Variants in NPEPPS observed in about 807,000 individuals in gnomAD.
The protein encoded by NPEPPS is aminopeptidase puromycin sensitive.
NPEPPS carries 14 observed loss-of-function variants against 115.5 expected under a neutral mutation model. The ratio of observed to expected loss-of-function variants is 0.12; its 90% CI spans 0.08 to 0.19. NPEPPS has a LOEUF of 0.19. Ranked by LOEUF, NPEPPS falls within the 10% of genes least tolerant of loss-of-function variation. The pLI is 1.00. For missense variants in NPEPPS, 523 were observed against 1,110.8 expected, an observed-to-expected ratio of 0.47 and a Z score of 7.52; for synonymous variants, 285 against 390.6, an observed-to-expected ratio of 0.73 and a Z score of 3.19.
At position 47,621,933 on chromosome 17, in the gene NPEPPS, C is replaced by G; in HGVS notation, c.*13C>G. 1 of 1,601,866 alleles carries G rather than the reference C, an allele frequency of 6.2e-7. No homozygotes were observed. The highest frequency in any genetic ancestry group is 8.5e-7 in the Non-Finnish European group (1 of 1,172,982). ...ACCCACAGTGTGAATCCTGAGGTGC[C>G]GCCATTGGCGGTTCTGCTGCTTCGC... On this transcript the variant is annotated 3_prime_UTR_variant, in exon 23 of 23. Transcript: ENST00000322157.
chr17:47,569,913 C>T (rs1597848313), intron 3 of NPEPPS, among the ~76,000 whole-genome samples: 1 of 152,172 alleles, frequency 6.6e-6, no homozygotes, highest in African/African-American at 2.4e-5. Context: ...GCCACCGCGC[C>T]CAGCCGTATT....
upstream of NPEPPS, among the ~76,000 whole-genome samples, chr17:47,526,740 C>CTT (rs1907449967): frequency 6.6e-6 from 1 of 151,302 alleles, no homozygotes; most frequent in African/African-American, 2.4e-5. Context: ...GGGCGGATCA[C>CTT]GATGTCAGGA....
chr17:47,595,016 C>T (rs983784613), intron 12 of NPEPPS, among the ~76,000 whole-genome samples: 12 of 152,072 alleles, frequency 7.9e-5, no homozygotes, highest in East Asian at 5.8e-4. Context: ...TTGCAACCTC[C>T]GCCTCCTGGG....
rs1907764318 is a variant in NPEPPS at position 47,531,481 on chromosome 17, A to G, written c.181A>G (p.Ile61Val). ...GCGGCTGCCTGCCGATGTCTCCCCC[A>G]TCAACTACAGCCTTTGCCTCAAGCC... ...FERLPADVSP[I>V]NYSLCLKPDL... The change falls in exon 1 of 23, where the codon ATC (isoleucine) becomes GTC (valine). Residue 61 changes from isoleucine (I) to valine (V), a missense_variant. Around this residue, in one of 4 missense-constraint regions of NPEPPS, gnomAD observed 144 missense variants for 512.4 expected, o/e 0.28. Coordinates refer to ENST00000322157, the MANE Select transcript of NPEPPS (RefSeq NM_006310.4). 1.2e-6 allele frequency: 2 copies of G among 1,606,356 alleles called. No homozygotes were observed. The highest frequency in any genetic ancestry group is 1.7e-6 in the Non-Finnish European group (2 of 1,177,672).
intron 1 of NPEPPS, among the ~76,000 whole-genome samples, chr17:47,545,673 C>T (rs566088280): frequency 6.0e-4 from 91 of 152,068 alleles, no homozygotes; most frequent in African/African-American, 2.1e-3. Flanking sequence ...TTCAACCTCC[C>T]GAGTAGCTGG....
upstream of NPEPPS, among the ~76,000 whole-genome samples, chr17:47,529,737 TTATATATATATATA>T (rs56043348): frequency 0.28 from 7,083 of 25,718 alleles, 1,558 homozygotes; most frequent in East Asian, 0.48. Context: ...TTCAGTTACA[TTATATATATATATA>T]TATATATATA....
At chr17:47,576,424 G>A (rs1911527049) in intron 3 of NPEPPS, among the ~76,000 whole-genome samples, 1 of 152,156 alleles carries the variant, frequency 6.6e-6, no homozygotes, top group Non-Finnish European at 1.5e-5. Flanking sequence ...CCCGGGAGCC[G>A]AAGGTTGCAG....
chr17:47,620,938 T>A (rs1914527401), intron 22 of NPEPPS, among the ~76,000 whole-genome samples: 1 of 152,078 alleles, frequency 6.6e-6, no homozygotes, highest in Non-Finnish European at 1.5e-5. Flanking sequence ...ATTCCAGCAT[T>A]TTGGGAGGCT....
At chr17:47,536,322 G>A (rs1277122700) in intron 1 of NPEPPS, among the ~76,000 whole-genome samples, 1 of 151,496 alleles carries the variant, frequency 6.6e-6, no homozygotes, top group East Asian at 1.9e-4. Context: ...TAAAAATTTG[G>A]CACCTGAATG....
rs1263927793 is a variant in NPEPPS at position 47,590,707 on chromosome 17, T to C, written c.1096-10T>C. ...CATTTTCTTTAAGTATTTTCATCTT[T>C]TGTTTTTAGGAATGGTGGACTCATC... On this transcript the variant is annotated splice_polypyrimidine_tract_variant and intron_variant, in intron 9 of 22. Coordinates refer to ENST00000322157, the MANE Select transcript of NPEPPS (RefSeq NM_006310.4). The C allele has an allele frequency of 2.5e-6, 4 of 1,609,666 alleles. No homozygotes were observed. Among genetic ancestry groups the C allele is most frequent in the African/African-American group, 1.3e-5 (1 of 74,868 alleles).
At chr17:47,536,388 CT>C (rs749380530) in intron 1 of NPEPPS, among the ~76,000 whole-genome samples, 19,249 of 69,706 alleles carry the variant, frequency 0.28, 784 homozygotes, top group Middle Eastern at 0.36. Context: ...TATTTTCTCT[CT>C]TTTTTTTTTT....
At chr17:47,527,682 A>AT (rs1907491269), upstream of NPEPPS, among the ~76,000 whole-genome samples, 1 of 151,518 alleles carries the variant, frequency 6.6e-6, no homozygotes, top group South Asian at 2.1e-4. Context: ...ACATGGTGAA[A>AT]CCCAGTCTCT....
At chr17:47,539,840 T>C (rs1188278621) in intron 1 of NPEPPS, among the ~76,000 whole-genome samples, 1 of 152,166 alleles carries the variant, frequency 6.6e-6, no homozygotes, top group East Asian at 1.9e-4. Context: ...TTAGCTATTA[T>C]AGAACTGTTC....
intron 1 of NPEPPS, among the ~76,000 whole-genome samples, chr17:47,543,188 A>C (rs1298934719): frequency 2.0e-5 from 3 of 151,870 alleles, no homozygotes; most frequent in Non-Finnish European, 4.4e-5. Context: ...AGTGTTAAAC[A>C]AGCAGTTCAC....
chr17:47,606,641 C>T (rs1455625390), intron 17 of NPEPPS, among the ~76,000 whole-genome samples: 1 of 152,084 alleles, frequency 6.6e-6, no homozygotes, highest in Non-Finnish European at 1.5e-5. Flanking sequence ...CGAGGTTTCG[C>T]CATGTTGGCC....
intron 2 of NPEPPS, chr17:47,559,564 G>T: frequency 2.3e-6 from 1 of 438,804 alleles, no homozygotes. Flanking sequence ...GGGAGCTTTT[G>T]TTTTGTTCCC....
intron 14 of NPEPPS, among the ~76,000 whole-genome samples, chr17:47,600,869 C>G (rs552773979): frequency 6.6e-6 from 1 of 152,214 alleles, no homozygotes; most frequent in South Asian, 2.1e-4. Flanking sequence ...AAAATTAACC[C>G]TTCGATATTT....
intron 13 of NPEPPS, among the ~76,000 whole-genome samples, chr17:47,598,376 A>C (rs1411089557): frequency 1.3e-5 from 2 of 152,192 alleles, no homozygotes; most frequent in East Asian, 3.8e-4. Flanking sequence ...TGGGAGGCTT[A>C]GTTGGAAGGA....
At chr17:47,621,693 G>C (rs1914583475) in intron 22 of NPEPPS, 75 bp from the exon 23 acceptor site, 1 of 1,397,960 alleles carries the variant, frequency 7.2e-7, no homozygotes. Context: ...AGACCAGTGG[G>C]TATTTTTTCA....
Sources: allele counts gnomAD v4.1 joint callset (sites outside exome capture counted in the v4.1 genomes callset), GRCh38; gene constraint gnomAD v4.1.1; regional missense constraint gnomAD v4.1.1; transcripts MANE v1.5; gene names NCBI Gene and HGNC (gene_info 2026-07-23, HGNC 2026-07-21).